The following KHDRBS3 variants were observed in gnomAD, a reference collection of about 807,000 sequenced individuals.
KHDRBS3 encodes the protein KH RNA binding domain containing, signal transduction associated 3.
Under a neutral mutation model 45.6 loss-of-function variants are expected in KHDRBS3, and 23 were observed. That is an observed-to-expected ratio of 0.50 (90% CI 0.36 to 0.72). The LOEUF (loss-of-function observed/expected upper bound fraction) is 0.72, where lower values mean the gene tolerates loss of function less well. Among genes scored for constraint, KHDRBS3 ranks in the 30% least tolerant of loss-of-function variants. The probability of loss-of-function intolerance (pLI) is 0.00; values close to 1 mark genes in which losing one functional copy is unlikely to be tolerated. For missense variants in KHDRBS3, 352 were observed against 424.8 expected, an observed-to-expected ratio of 0.83 and a Z score of 1.51; for synonymous variants, 162 against 156.5, an observed-to-expected ratio of 1.04 and a Z score of -0.26.
At chr8:135,642,066 A>G (rs1316302127) in intron 7 of KHDRBS3, among the ~76,000 whole-genome samples, 6 of 152,250 alleles carry the variant, frequency 3.9e-5, no homozygotes, top group Non-Finnish European at 8.8e-5. Flanking sequence ...CACTATGATC[A>G]TGTGGCAGCA....
intron 1 of KHDRBS3, among the ~76,000 whole-genome samples, chr8:135,492,516 C>CATATATATAT (rs3029812): frequency 6.9e-6 from 1 of 145,856 alleles, no homozygotes; most frequent in Admixed American, 6.9e-5. Context: ...TATATATATA[C>CATATATATAT]ATATATATAT....
intron 1 of KHDRBS3, among the ~76,000 whole-genome samples, chr8:135,500,062 G>A (rs1050269647): frequency 6.6e-6 from 1 of 152,080 alleles, no homozygotes; most frequent in Non-Finnish European, 1.5e-5. Flanking sequence ...ATGTTTTCCT[G>A]TTTAGTGATT....
intron 4 of KHDRBS3, among the ~76,000 whole-genome samples, chr8:135,553,332 C>T (rs1021709069): frequency 1.1e-4 from 17 of 152,104 alleles, no homozygotes; most frequent in African/African-American, 3.9e-4. Flanking sequence ...ACCATTTCGT[C>T]AGTTTTTATT....
intron 7 of KHDRBS3, among the ~76,000 whole-genome samples, chr8:135,615,567 G>A (rs577564799): frequency 3.3e-5 from 5 of 152,064 alleles, no homozygotes; most frequent in Admixed American, 6.5e-5. Context: ...TATCATTGAC[G>A]TCTCACAATG....
chr8:135,601,404 G>C (rs2131003988), intron 6 of KHDRBS3, among the ~76,000 whole-genome samples: 1 of 152,272 alleles, frequency 6.6e-6, no homozygotes. Flanking sequence ...GTTTTCATGG[G>C]ACTCAGAAGT....
intron 1 of KHDRBS3, among the ~76,000 whole-genome samples, chr8:135,495,049 G>A (rs1198086826): frequency 6.6e-6 from 1 of 152,226 alleles, no homozygotes; most frequent in East Asian, 1.9e-4. Flanking sequence ...AGTCGTGCTT[G>A]TGAGCATCTA....
chr8:135,636,912 C>T lies in KHDRBS3; in HGVS notation c.891-8147C>T, dbSNP rs543489599. 5.3e-5 allele frequency among the ~76,000 whole-genome samples: 8 copies of T among 152,294 alleles called. No homozygotes were observed. The South Asian group carries it at 1.5e-3, about 28-fold the overall frequency. Reference sequence around the variant, plus strand: ...TCTGAACACATTTAACAAAACAAGACGAGAATGAAGTTAGTGCCATCTCTT... The same window carrying T: ...TCTGAACACATTTAACAAAACAAGATGAGAATGAAGTTAGTGCCATCTCTT... On this transcript the variant is annotated intron_variant, in intron 7 of 8. Coordinates refer to ENST00000355849, the MANE Select transcript of KHDRBS3 (RefSeq NM_006558.3).
intron 1 of KHDRBS3, among the ~76,000 whole-genome samples, chr8:135,482,365 C>A (rs1822623484): frequency 1.6e-5 from 1 of 64,156 alleles, no homozygotes; most frequent in African/African-American, 9.2e-5. Flanking sequence ...CCCAGTGTTG[C>A]CCTGGGAAAT....
At chr8:135,607,094 C>T in intron 7 of KHDRBS3, 57 bp downstream of exon 7, 1 of 1,362,112 alleles carries the variant, frequency 7.3e-7, no homozygotes, top group Non-Finnish European at 1.0e-6. Flanking sequence ...CTTCCACATT[C>T]ATATATTCTG....
intron 6 of KHDRBS3, among the ~76,000 whole-genome samples, chr8:135,605,647 C>T (rs543891477): frequency 6.6e-6 from 1 of 152,240 alleles, no homozygotes; most frequent in Admixed American, 6.5e-5. Context: ...CCCTGCAGAA[C>T]ATACATATTT....
chr8:135,632,127 C>T (rs1339859873), intron 7 of KHDRBS3, among the ~76,000 whole-genome samples: 1 of 152,226 alleles, frequency 6.6e-6, no homozygotes, highest in Non-Finnish European at 1.5e-5. Flanking sequence ...TGTCTCAACT[C>T]GCTGTCTTCA....
intron 7 of KHDRBS3, among the ~76,000 whole-genome samples, chr8:135,633,842 T>C (rs981770743): frequency 1.3e-5 from 2 of 152,236 alleles, no homozygotes; most frequent in Non-Finnish European, 2.9e-5. Context: ...CAGAGTGGTG[T>C]GTTTGTTACA....
chr8:135,498,372 C>T (rs1356236174), intron 1 of KHDRBS3, among the ~76,000 whole-genome samples: 5 of 152,064 alleles, frequency 3.3e-5, no homozygotes, highest in Non-Finnish European at 7.4e-5. Context: ...ATCAACCAGA[C>T]CTGATCACAT....
chr8:135,500,906 T>G (rs1823704541), intron 1 of KHDRBS3, among the ~76,000 whole-genome samples: 1 of 152,202 alleles, frequency 6.6e-6, no homozygotes, highest in African/African-American at 2.4e-5. Flanking sequence ...TATATCGTGC[T>G]TGAATTAAAT....
Position 135,530,856 on chromosome 8 carries a change from A to C in KHDRBS3, c.207+9501A>C, listed in dbSNP as rs529915215. On this transcript the variant is annotated intron_variant, in intron 2 of 8. Coordinates refer to ENST00000355849, the MANE Select transcript of KHDRBS3 (RefSeq NM_006558.3). ...TCATTTACTTTCTAAATTATCATCT[A>C]TCTCTCTTTACATTTCATTTCACTC... Among the ~76,000 whole-genome samples the C allele has an allele frequency of 9.8e-5, 15 of 152,296 alleles. No homozygotes were observed. The South Asian group carries it at 3.1e-3, about 32-fold the overall frequency.
At chr8:135,512,320 A>G (rs1462647361) in intron 1 of KHDRBS3, among the ~76,000 whole-genome samples, 4 of 148,602 alleles carry the variant, frequency 2.7e-5, no homozygotes, top group South Asian at 2.1e-4. Context: ...TTTGAAATCG[A>G]TTTCTGAATG....
chr8:135,563,217 A>C (rs752600555), intron 5 of KHDRBS3, among the ~76,000 whole-genome samples: 8 of 152,174 alleles, frequency 5.3e-5, no homozygotes, highest in Non-Finnish European at 1.0e-4. Context: ...CTCCTCCCCT[A>C]TCTGACTCTA....
intron 7 of KHDRBS3, among the ~76,000 whole-genome samples, chr8:135,614,683 A>G (rs1372676883): frequency 6.6e-6 from 1 of 151,710 alleles, no homozygotes; most frequent in Non-Finnish European, 1.5e-5. Context: ...GTAAATACTT[A>G]ATTCCCAAGA....
chr8:135,594,525 G>A (rs920189868), intron 6 of KHDRBS3, among the ~76,000 whole-genome samples: 1 of 152,208 alleles, frequency 6.6e-6, no homozygotes, highest in African/African-American at 2.4e-5. Context: ...TTATAAAGAT[G>A]AGGTAAGTTG....
Sources: gnomAD v4.1 joint callset for allele counts (sites outside exome capture counted in the v4.1 genomes callset) on GRCh38, gnomAD v4.1.1 for gene constraint, MANE v1.5 for transcripts, NCBI Gene and HGNC (gene_info 2026-07-23, HGNC 2026-07-21) for gene names.